The following CCSER1 variants were observed in gnomAD, a reference collection of about 807,000 sequenced individuals.
The protein encoded by CCSER1 is serine-rich coiled-coil domain-containing protein 1.
In CCSER1, 41 loss-of-function variants were observed where a neutral mutation model predicts 82.0. The ratio of observed to expected loss-of-function variants is 0.50; its 90% CI spans 0.39 to 0.65. The LOEUF (loss-of-function observed/expected upper bound fraction) is 0.65, where lower values mean the gene tolerates loss of function less well. Among genes scored for constraint, CCSER1 ranks in the 30% least tolerant of loss-of-function variants. The probability of loss-of-function intolerance (pLI) is 0.00; values close to 1 mark genes in which losing one functional copy is unlikely to be tolerated. For synonymous variants in CCSER1, 414 were observed against 383.9 expected (o/e 1.08, Z -0.92); for missense variants, 1,119 against 1,064.2 (o/e 1.05, Z -0.72).
intron 5 of CCSER1, among the ~76,000 whole-genome samples, chr4:90,591,080 C>T (rs987475871): frequency 1.3e-5 from 2 of 152,078 alleles, no homozygotes; most frequent in African/African-American, 4.8e-5. Context: ...GGAGTTCACT[C>T]ATGATTTGGC....
At chr4:91,178,374 T>A (rs1176670182) in intron 10 of CCSER1, among the ~76,000 whole-genome samples, 5 of 145,922 alleles carry the variant, frequency 3.4e-5, no homozygotes, top group African/African-American at 5.1e-5. Flanking sequence ...CTTGTTAACA[T>A]TCTGTCTCGT....
chr4:91,379,120 G>A (rs1347738994), intron 10 of CCSER1, among the ~76,000 whole-genome samples: 2 of 152,020 alleles, frequency 1.3e-5, no homozygotes, highest in Non-Finnish European at 2.9e-5. Context: ...CATGGTGGAT[G>A]AGCTTTTTGA....
chr4:91,496,604 A>AACG (rs1758834470), intron 10 of CCSER1, among the ~76,000 whole-genome samples: 1 of 14,590 alleles, frequency 6.9e-5, no homozygotes, highest in African/African-American at 1.4e-4. Flanking sequence ...ATATATTTGA[A>AACG]TATATATATA....
chr4:90,856,591 C>T (rs138288712), intron 8 of CCSER1, among the ~76,000 whole-genome samples: 3,499 of 151,958 alleles, frequency 0.023, 81 homozygotes, highest in African/African-American at 0.058. Flanking sequence ...CCATCTTCCC[C>T]GACGTAAAAG....
chr4:90,434,053 A>C (rs1451144257), intron 4 of CCSER1, among the ~76,000 whole-genome samples: 1 of 151,880 alleles, frequency 6.6e-6, no homozygotes, highest in African/African-American at 2.4e-5. Context: ...TTTTCCCCAC[A>C]ATTATGGTTG....
At position 90,932,846 on chromosome 4, in the gene CCSER1, G is replaced by T. The variant is rs577048553; in HGVS notation, c.2172+9399G>T. 2.9e-3 allele frequency among the ~76,000 whole-genome samples: 243 copies of T among 84,724 alleles called. 22 individuals are homozygous for T. The highest frequency in any genetic ancestry group is 6.9e-3 in the Middle Eastern group (1 of 144). 55.6% of individuals were successfully genotyped at this position (84,724 alleles called of 152,430 possible). The stretch of plus-strand genomic sequence containing the variant: ...CCGTCTCCAAAAAAAAAAAAAAAAA[G>T]AAACAATGTTGTTCCGTCTCAAGAA... On this transcript the variant is annotated intron_variant, in intron 9 of 10. Transcript: ENST00000509176.
At chr4:90,312,753 T>C (rs1035191234) in intron 2 of CCSER1, 110 bp from the exon 3 acceptor site, 2 of 828,408 alleles carry the variant, frequency 2.4e-6, no homozygotes, top group Non-Finnish European at 3.8e-6. Flanking sequence ...TTTCTTGTGA[T>C]AGAGAAACTT....
At chr4:90,993,737 T>G (rs1737244894) in intron 9 of CCSER1, among the ~76,000 whole-genome samples, 1 of 152,012 alleles carries the variant, frequency 6.6e-6, no homozygotes, top group Non-Finnish European at 1.5e-5. Flanking sequence ...GAGTGCTAAT[T>G]CTGTTATGAG....
At chr4:91,355,914 G>T (rs1337956423) in intron 10 of CCSER1, among the ~76,000 whole-genome samples, 1 of 152,232 alleles carries the variant, frequency 6.6e-6, no homozygotes, top group South Asian at 2.1e-4. Flanking sequence ...AGGTGGTGGG[G>T]TTAGGGTGTT....
chr4:90,565,962 G>A (rs574284427), intron 5 of CCSER1, among the ~76,000 whole-genome samples: 7 of 150,750 alleles, frequency 4.6e-5, no homozygotes, highest in South Asian at 2.1e-4. Context: ...CCGGGTTCAA[G>A]TGATTCTCCT....
intron 1 of CCSER1, among the ~76,000 whole-genome samples, chr4:90,141,881 A>G (rs981017499): frequency 2.0e-5 from 3 of 152,232 alleles, no homozygotes; most frequent in Non-Finnish European, 1.5e-5. Context: ...CTTAATTTGG[A>G]CAATGTTGAC....
At chr4:90,799,604 A>T (rs1401666455) in intron 7 of CCSER1, among the ~76,000 whole-genome samples, 1 of 152,120 alleles carries the variant, frequency 6.6e-6, no homozygotes, top group Non-Finnish European at 1.5e-5. Flanking sequence ...AGGAGAAGCC[A>T]GAAGACTAAG....
chr4:91,074,842 A>G (rs1721796856), intron 9 of CCSER1, among the ~76,000 whole-genome samples: 1 of 152,188 alleles, frequency 6.6e-6, no homozygotes, highest in African/African-American at 2.4e-5. Flanking sequence ...GCTACTTTCT[A>G]CATGTTAAGA....
intron 5 of CCSER1, among the ~76,000 whole-genome samples, chr4:90,528,239 A>AT (rs1560663316): frequency 2.0e-5 from 3 of 151,944 alleles, no homozygotes; most frequent in South Asian, 2.1e-4. Flanking sequence ...TGTTTTGCAG[A>AT]TTTTTTTTCT....
intron 9 of CCSER1, among the ~76,000 whole-genome samples, chr4:91,045,892 G>C (rs1335014667): frequency 6.6e-6 from 1 of 150,916 alleles, no homozygotes; most frequent in Non-Finnish European, 1.5e-5. Flanking sequence ...AAGAGAGTCA[G>C]CAAAGGGAGA....
intron 9 of CCSER1, among the ~76,000 whole-genome samples, chr4:91,058,273 A>G (rs554440690): frequency 6.6e-5 from 10 of 152,140 alleles, no homozygotes; most frequent in African/African-American, 1.7e-4. Context: ...TTCTCTTTAC[A>G]TGGTGTATTA....
chr4:91,298,750 T>A (rs1744426849), intron 10 of CCSER1, among the ~76,000 whole-genome samples: 1 of 151,976 alleles, frequency 6.6e-6, no homozygotes, highest in Non-Finnish European at 1.5e-5. Flanking sequence ...CAATATGTAG[T>A]CCTAATATAC....
Position 91,159,339 on chromosome 4 carries a change from A to G in CCSER1, c.2217+73345A>G, listed in dbSNP as rs188175017. On this transcript the variant is annotated intron_variant, in intron 10 of 10. Coordinates refer to ENST00000509176, the MANE Select transcript of CCSER1 (RefSeq NM_001145065.2). ...CCCCAGTAGATTGGAAACCATATTA[A>G]TTATTTCATTCTGTGTTCCATATTG... Among the ~76,000 whole-genome samples the G allele has an allele frequency of 3.6e-4, 54 of 151,954 alleles. 1 individual carries two copies. The highest frequency in any genetic ancestry group is 6.8e-3 in the Middle Eastern group (2 of 294).
intron 5 of CCSER1, among the ~76,000 whole-genome samples, chr4:90,584,716 C>G (rs1315733150): frequency 6.6e-6 from 1 of 152,132 alleles, no homozygotes; most frequent in African/African-American, 2.4e-5. Flanking sequence ...AATATAGAAA[C>G]TAAATATAAT....
Sources: allele counts gnomAD v4.1 joint callset (sites outside exome capture counted in the v4.1 genomes callset), GRCh38; gene constraint gnomAD v4.1.1; transcripts MANE v1.5; gene names NCBI Gene and HGNC (gene_info 2026-07-23, HGNC 2026-07-21).